The following ZNF385D variants were observed in gnomAD, a reference collection of about 807,000 sequenced individuals.
ZNF385D encodes the protein zinc finger protein 385D, also known as zinc finger protein 659.
ZNF385D carries 15 observed loss-of-function variants against 35.8 expected under a neutral mutation model. That is an observed-to-expected ratio of 0.42 (90% CI 0.28 to 0.64). ZNF385D has a LOEUF of 0.64. Ranked by LOEUF, ZNF385D falls within the 30% of genes least tolerant of loss-of-function variation. ZNF385D has a pLI of 0.23. For synonymous variants in ZNF385D, 212 were observed against 186.8 expected (o/e 1.13, Z -1.10); for missense variants, 474 against 494.6 (o/e 0.96, Z 0.39).
At chr3:22,084,586 C>T (rs572403107) in intron 3 of ZNF385D, among the ~76,000 whole-genome samples, 3 of 152,212 alleles carry the variant, frequency 2.0e-5, no homozygotes, top group East Asian at 1.9e-4. Context: ...AAGCAAGTCC[C>T]TAGCAACCTA....
chr3:22,198,872 A>G (rs1414162374), intron 2 of ZNF385D, among the ~76,000 whole-genome samples: 2 of 152,092 alleles, frequency 1.3e-5, no homozygotes, highest in Admixed American at 1.3e-4. Flanking sequence ...TAGATTCATC[A>G]TATTCCCCTC....
At chr3:21,978,794 G>A (rs932593218) in intron 3 of ZNF385D, among the ~76,000 whole-genome samples, 2 of 151,898 alleles carry the variant, frequency 1.3e-5, no homozygotes, top group Non-Finnish European at 2.9e-5. Context: ...CATGTGAAAG[G>A]CATGTTTAGG....
intron 3 of ZNF385D, among the ~76,000 whole-genome samples, chr3:21,535,691 T>C (rs920574114): frequency 6.6e-6 from 1 of 152,114 alleles, no homozygotes; most frequent in Non-Finnish European, 1.5e-5. Flanking sequence ...TGAATTTGTC[T>C]AGATAATTTA....
chr3:21,694,610 T>C (rs530502984), intron 1 of ZNF385D, among the ~76,000 whole-genome samples: 26 of 152,300 alleles, frequency 1.7e-4, no homozygotes, highest in African/African-American at 5.8e-4. Flanking sequence ...GAAATCAGAA[T>C]TATGGTGAAC....
chr3:21,425,746 G>GA lies in ZNF385D; in HGVS notation c.674-77dup, dbSNP rs911780781. The GA allele has an allele frequency of 1.6e-4, 227 of 1,382,172 alleles. 1 individual carries two copies. The East Asian group carries it at 2.2e-3, about 13-fold the overall frequency. The allele number at this position is 1,382,172 out of a possible 1,614,324, so 85.6% of individuals were successfully genotyped here. A position where few individuals can be genotyped will look rare whatever the true frequency, so the allele number is the denominator to read the frequency against. ...GGGAGAGAAGGAGGTGGGATGGGAG[G>GA]AAAAAAATCTTAGCTAGTATATACC... is the stretch of plus-strand genomic sequence containing the variant. On this transcript the variant is annotated intron_variant, in intron 5 of 7. Coordinates refer to ENST00000281523, the MANE Select transcript of ZNF385D (RefSeq NM_024697.3).
intron 3 of ZNF385D, among the ~76,000 whole-genome samples, chr3:21,781,754 C>T (rs1328618346): frequency 6.6e-6 from 1 of 151,820 alleles, no homozygotes; most frequent in Non-Finnish European, 1.5e-5. Context: ...TAAATATAAG[C>T]AGATATTTGG....
At chr3:21,629,295 A>G (rs1271791530) in intron 2 of ZNF385D, among the ~76,000 whole-genome samples, 1 of 152,066 alleles carries the variant, frequency 6.6e-6, no homozygotes, top group African/African-American at 2.4e-5. Flanking sequence ...CCTGCCTATA[A>G]TTTCAGGTGG....
chr3:22,329,501 ACTTT>A (rs773006200), intron 2 of ZNF385D, among the ~76,000 whole-genome samples: 3 of 152,168 alleles, frequency 2.0e-5, no homozygotes, highest in Non-Finnish European at 2.9e-5. Flanking sequence ...AGCTTTACTT[ACTTT>A]ATTTATCTTA....
intron 2 of ZNF385D, among the ~76,000 whole-genome samples, chr3:22,290,189 T>C (rs1702229371): frequency 6.6e-6 from 1 of 152,152 alleles, no homozygotes; most frequent in Non-Finnish European, 1.5e-5. Flanking sequence ...TGAACCTTTG[T>C]CTCTTCACGG....
intron 1 of ZNF385D, among the ~76,000 whole-genome samples, chr3:21,737,723 G>A (rs2032159498): frequency 6.6e-6 from 1 of 152,164 alleles, no homozygotes; most frequent in Non-Finnish European, 1.5e-5. Context: ...TTCTCTCTCA[G>A]TTCCTGGGTC....
chr3:21,467,643 G>C (rs1703603714), intron 4 of ZNF385D, among the ~76,000 whole-genome samples: 1 of 152,052 alleles, frequency 6.6e-6, no homozygotes, highest in South Asian at 2.1e-4. Flanking sequence ...GTATTTCCCT[G>C]GTAACTCAAT....
intron 2 of ZNF385D, among the ~76,000 whole-genome samples, chr3:21,638,241 T>C (rs1213537660): frequency 6.6e-6 from 1 of 152,090 alleles, no homozygotes; most frequent in Non-Finnish European, 1.5e-5. Context: ...CTTATGTTTC[T>C]GCACTTCTGA....
chr3:22,182,543 T>C (rs754367546), intron 2 of ZNF385D, among the ~76,000 whole-genome samples: 14 of 152,016 alleles, frequency 9.2e-5, no homozygotes, highest in Non-Finnish European at 2.1e-4. Context: ...ATTTACCATA[T>C]AAGAAGAAAT....
chr3:22,124,675 C>A (rs1411757470), intron 3 of ZNF385D, among the ~76,000 whole-genome samples: 2 of 152,074 alleles, frequency 1.3e-5, no homozygotes, highest in Admixed American at 1.3e-4. Flanking sequence ...ATCAATGATG[C>A]TGATCATATT....
At chr3:21,537,290 A>C (rs1454056045) in intron 3 of ZNF385D, among the ~76,000 whole-genome samples, 1 of 151,310 alleles carries the variant, frequency 6.6e-6, no homozygotes, top group African/African-American at 2.4e-5. Context: ...CTGCCACCAC[A>C]CCTGGCTATT....
At chr3:22,096,135 T>G (rs1476030057) in intron 3 of ZNF385D, among the ~76,000 whole-genome samples, 1 of 151,668 alleles carries the variant, frequency 6.6e-6, no homozygotes. Flanking sequence ...AAAATATATA[T>G]ACATGTTTAA....
chr3:22,026,182 C>G (rs947592222), intron 3 of ZNF385D, among the ~76,000 whole-genome samples: 3 of 152,136 alleles, frequency 2.0e-5, no homozygotes, highest in Non-Finnish European at 4.4e-5. Context: ...GAAAAAAATT[C>G]TAGGTCAAAT....
intron 3 of ZNF385D, among the ~76,000 whole-genome samples, chr3:21,564,009 A>G (rs930750496): frequency 3.3e-5 from 5 of 152,234 alleles, no homozygotes; most frequent in Admixed American, 2.0e-4. Flanking sequence ...TTTCCCTCCT[A>G]CATGTTCTCC....
chr3:22,022,658 A>G (rs554887515), intron 3 of ZNF385D, among the ~76,000 whole-genome samples: 1 of 152,306 alleles, frequency 6.6e-6, no homozygotes, highest in African/African-American at 2.4e-5. Flanking sequence ...AAAGAGTCAT[A>G]TATGTCTTAA....
Sources: gnomAD v4.1 joint callset for allele counts (sites outside exome capture counted in the v4.1 genomes callset) on GRCh38, gnomAD v4.1.1 for gene constraint, MANE v1.5 for transcripts, NCBI Gene and HGNC (gene_info 2026-07-23, HGNC 2026-07-21) for gene names.